ANKRD26: variants seen among roughly 807,000 people sequenced by gnomAD.
ANKRD26 encodes the protein ankyrin repeat domain 26, also known as ankyrin repeat domain-containing protein 26.
In ANKRD26, 141 loss-of-function variants were observed where a neutral mutation model predicts 208.7. The ratio of observed to expected loss-of-function variants is 0.68; its 90% CI spans 0.59 to 0.78. The LOEUF (loss-of-function observed/expected upper bound fraction) is 0.78. Among genes scored for constraint, ANKRD26 ranks in the 30% least tolerant of loss-of-function variants. ANKRD26 has a pLI of 0.00. For synonymous variants in ANKRD26, 636 were observed against 660.4 expected (o/e 0.96, Z 0.57); for missense variants, 1,889 against 1,938.7 (o/e 0.97, Z 0.48).
intron 21 of ANKRD26, among the ~76,000 whole-genome samples, chr10:27,038,317 A>C (rs1033722052): frequency 6.6e-6 from 1 of 152,192 alleles, no homozygotes; most frequent in Non-Finnish European, 1.5e-5. Context: ...ATTATGGAAA[A>C]AGATATTGGA....
intron 32 of ANKRD26, among the ~76,000 whole-genome samples, chr10:27,008,516 A>T (rs970684417): frequency 2.0e-5 from 3 of 152,230 alleles, no homozygotes; most frequent in African/African-American, 7.2e-5. Flanking sequence ...TACTAATGTA[A>T]TGTAGTTTCT....
At chr10:27,016,925 T>C (rs546682181) in intron 30 of ANKRD26, among the ~76,000 whole-genome samples, 27 of 152,152 alleles carry the variant, frequency 1.8e-4, no homozygotes, top group African/African-American at 6.0e-4. Context: ...TGGTGGCTCA[T>C]GCCTGTAATC....
the ANKRD26 span, among the ~76,000 whole-genome samples, chr10:26,962,378 C>T: frequency 6.6e-6 from 1 of 151,932 alleles, no homozygotes; most frequent in African/African-American, 2.4e-5. Context: ...AGTTCAAGAC[C>T]AGCGGGGCCA....
At chr10:27,071,609 C>A (rs529076714) in intron 9 of ANKRD26, among the ~76,000 whole-genome samples, 6 of 152,032 alleles carry the variant, frequency 3.9e-5, no homozygotes, top group Non-Finnish European at 8.8e-5. Context: ...TAGGGATTTG[C>A]GCTGCAAACT....
At chr10:27,039,347 G>A (rs181807024) in intron 21 of ANKRD26, among the ~76,000 whole-genome samples, 1 of 151,886 alleles carries the variant, frequency 6.6e-6, no homozygotes, top group African/African-American at 2.4e-5. Flanking sequence ...CCAGCTTCTT[G>A]TGAGGCTGAG....
chr10:27,088,354 A>T (rs34357732), intron 4 of ANKRD26: 75,190 of 151,620 alleles, frequency 0.5, 21,390 homozygotes, highest in Non-Finnish European at 0.64. Context: ...TGTGTGTGTC[A>T]TCTTTATACA....
intron 1 of ANKRD26, among the ~76,000 whole-genome samples, chr10:27,097,150 C>T (rs528921861): frequency 1.3e-4 from 19 of 151,950 alleles, no homozygotes; most frequent in African/African-American, 4.6e-4. Flanking sequence ...CCATTGCACT[C>T]CAGCCTGGGC....
At chr10:26,950,996 C>CTTTTTTTTTT in the ANKRD26 span, among the ~76,000 whole-genome samples, 2 of 107,782 alleles carry the variant, frequency 1.9e-5, no homozygotes, top group South Asian at 3.6e-4. Flanking sequence ...TATCCCTTTT[C>CTTTTTTTTTT]TTTTTTCTTT....
rs2055727303 is a variant in ANKRD26 at position 27,077,123 on chromosome 10, A to C, written c.1077+215T>G. ...AAGAAAATACTAGCAAACCGAATCC[A>C]ACAGCACATCACAAAGTAATAATTC... On this transcript the variant is annotated intron_variant, in intron 9 of 33. Transcript: ENST00000376087. The C allele has an allele frequency of 1.0e-4, 59 of 577,590 alleles. 1 individual carries two copies. The South Asian group carries it at 1.2e-3, about 12-fold the overall frequency. 35.8% of individuals were successfully genotyped at this position (577,590 alleles called of 1,614,324 possible).
At chr10:27,023,894 CAG>C (rs1398864897) in intron 28 of ANKRD26, among the ~76,000 whole-genome samples, 5 of 150,858 alleles carry the variant, frequency 3.3e-5, no homozygotes, top group Non-Finnish European at 5.9e-5. Context: ...TTAAAACAAA[CAG>C]AAGTTTAATA....
chr10:27,043,683 C>A, intron 19 of ANKRD26, 116 bp from the exon 20 acceptor site: 1 of 1,062,924 alleles, frequency 9.4e-7, no homozygotes, highest in South Asian at 1.5e-5. Flanking sequence ...TTAAAAAGAA[C>A]TGATTTTTGT....
chr10:27,060,195 T>C (rs1407612676), intron 15 of ANKRD26, 150 bp downstream of exon 15: 1 of 663,140 alleles, frequency 1.5e-6, no homozygotes, highest in Admixed American at 2.7e-5. Flanking sequence ...AGAGCAAGAC[T>C]CGGTCTCAAT....
chr10:27,091,593 A>G (rs2056301423), intron 4 of ANKRD26, among the ~76,000 whole-genome samples: 1 of 152,250 alleles, frequency 6.6e-6, no homozygotes, highest in African/African-American at 2.4e-5. Flanking sequence ...GGCACTCAAA[A>G]GACAAAAACT....
At chr10:26,991,873 T>A (rs1400898732), downstream of ANKRD26, 1 of 152,224 alleles carries the variant, frequency 6.6e-6, no homozygotes, top group Admixed American at 6.6e-5. Flanking sequence ...TTCATCTGGC[T>A]TGCTGAAGAC....
At chr10:26,995,064 T>G in exon 5 of ANKRD26, 1 of 471,162 alleles carries the variant, frequency 2.1e-6, no homozygotes, top group South Asian at 1.5e-5. Context: ...CATTATCCAG[T>G]GGCATCTATT....
At chr10:26,976,051 A>T (rs1443553374) in intron 5 of ANKRD26, among the ~76,000 whole-genome samples, 1 of 152,088 alleles carries the variant, frequency 6.6e-6, no homozygotes, top group African/African-American at 2.4e-5. Flanking sequence ...AGCTAAAAAA[A>T]ATAAATAAAA....
At chr10:26,975,729 C>T (rs907635491) in exon 6 of ANKRD26, among the ~76,000 whole-genome samples, 1 of 151,988 alleles carries the variant, frequency 6.6e-6, no homozygotes, top group African/African-American at 2.4e-5. Context: ...ATAATTGCAG[C>T]TACTTAGGAG....
the ANKRD26 span, among the ~76,000 whole-genome samples, chr10:26,966,880 A>C: frequency 6.6e-6 from 1 of 152,176 alleles, no homozygotes; most frequent in African/African-American, 2.4e-5. Context: ...GATTCATAAT[A>C]CCTATAAAAA....
chr10:27,069,799 G>T (rs1247846714), intron 9 of ANKRD26, among the ~76,000 whole-genome samples: 5 of 152,080 alleles, frequency 3.3e-5, no homozygotes, highest in African/African-American at 1.2e-4. Context: ...AAAAAAACAT[G>T]GGATTTAAGG....
Sources: allele counts gnomAD v4.1 joint callset (sites outside exome capture counted in the v4.1 genomes callset), GRCh38; gene constraint gnomAD v4.1.1; transcripts MANE v1.5; gene names NCBI Gene and HGNC (gene_info 2026-07-23, HGNC 2026-07-21).